DCC: variants seen among roughly 807,000 people sequenced by gnomAD.
DCC encodes the protein DCC netrin 1 receptor, also known as netrin receptor DCC.
A neutral mutation model predicts 172.5 loss-of-function variants in DCC; 58 were observed. The observed-to-expected ratio is 0.34, with a 90% confidence interval of 0.27 to 0.42. The LOEUF (loss-of-function observed/expected upper bound fraction) is 0.42. DCC is among the 10% of genes least tolerant of loss of function. DCC has a pLI of 1.00. For synonymous variants in DCC, 709 were observed against 644.5 expected (o/e 1.10, Z -1.52); for missense variants, 1,740 against 1,791.0 (o/e 0.97, Z 0.51).
chr18:52,865,637 G>A (rs566494423), intron 2 of DCC, among the ~76,000 whole-genome samples: 243 of 151,060 alleles, frequency 1.6e-3, no homozygotes, highest in African/African-American at 5.0e-3. Context: ...TTTGATAGCC[G>A]CCTAAATGTT....
At chr18:52,910,513 A>G (rs8095926) in intron 3 of DCC, among the ~76,000 whole-genome samples, 3 of 152,018 alleles carry the variant, frequency 2.0e-5, no homozygotes, top group East Asian at 3.9e-4. Context: ...TAAAATATCA[A>G]TAACAAAACA....
chr18:52,646,684 G>C (rs1326584928), intron 1 of DCC, among the ~76,000 whole-genome samples: 1 of 152,186 alleles, frequency 6.6e-6, no homozygotes, highest in African/African-American at 2.4e-5. Flanking sequence ...TTCAGATAAA[G>C]AGGTACATAG....
At chr18:53,389,869 T>A (rs1407090976) in intron 16 of DCC, among the ~76,000 whole-genome samples, 1 of 152,210 alleles carries the variant, frequency 6.6e-6, no homozygotes, top group African/African-American at 2.4e-5. Flanking sequence ...ACGTTATGTA[T>A]GGCACCTGTG....
At chr18:52,350,886 G>T (rs752824215) in intron 1 of DCC, among the ~76,000 whole-genome samples, 27 of 152,144 alleles carry the variant, frequency 1.8e-4, no homozygotes, top group Non-Finnish European at 2.6e-4. Context: ...CCAGACTTTC[G>T]TGACCCTTTC....
intron 1 of DCC, among the ~76,000 whole-genome samples, chr18:52,450,923 T>C (rs1054969935): frequency 1.3e-5 from 2 of 152,254 alleles, no homozygotes; most frequent in African/African-American, 4.8e-5. Context: ...ATGATTTTAT[T>C]ATCTGATTGT....
At chr18:53,458,408 C>T (rs929474201) in intron 23 of DCC, among the ~76,000 whole-genome samples, 4 of 152,132 alleles carry the variant, frequency 2.6e-5, no homozygotes, top group Non-Finnish European at 5.9e-5. Flanking sequence ...CAAAACTAGG[C>T]TGTGGGCAGA....
At chr18:53,191,408 A>T (rs1421896512) in intron 9 of DCC, among the ~76,000 whole-genome samples, 4 of 151,938 alleles carry the variant, frequency 2.6e-5, no homozygotes, top group African/African-American at 9.7e-5. Context: ...TATGTTTTGT[A>T]TTTTCTTTAT....
chr18:52,854,146 A>G (rs572818892), intron 2 of DCC, among the ~76,000 whole-genome samples: 1 of 152,256 alleles, frequency 6.6e-6, no homozygotes, highest in Admixed American at 6.5e-5. Context: ...CTGTAATGCC[A>G]CATCCCAGAC....
At chr18:53,464,231 A>G (rs1383781769) in intron 24 of DCC, among the ~76,000 whole-genome samples, 1 of 152,210 alleles carries the variant, frequency 6.6e-6, no homozygotes, top group African/African-American at 2.4e-5. Context: ...TAATTTCACT[A>G]CAGAAGCACC....
chr18:52,449,849 T>C (rs1181304407), intron 1 of DCC, among the ~76,000 whole-genome samples: 1 of 152,200 alleles, frequency 6.6e-6, no homozygotes, highest in African/African-American at 2.4e-5. Flanking sequence ...CCTGCCACCA[T>C]GTAAGACATC....
chr18:53,304,987 T>C (rs2057182696), intron 12 of DCC, among the ~76,000 whole-genome samples: 1 of 152,148 alleles, frequency 6.6e-6, no homozygotes, highest in South Asian at 2.1e-4. Context: ...GTTCTCATGA[T>C]AGTAAATAAG....
At chr18:53,475,739 CCA>C (rs2045754526) in intron 25 of DCC, among the ~76,000 whole-genome samples, 1 of 152,154 alleles carries the variant, frequency 6.6e-6, no homozygotes, top group African/African-American at 2.4e-5. Context: ...GTCAGAGCCC[CCA>C]CACAGAGTCC....
intron 2 of DCC, among the ~76,000 whole-genome samples, chr18:52,837,887 G>C (rs564680890): frequency 1.3e-5 from 2 of 152,156 alleles, no homozygotes; most frequent in Non-Finnish European, 2.9e-5. Context: ...GGAGGCTTTG[G>C]GAAACTTACA....
At chr18:52,457,079 C>T (rs1238802054) in intron 1 of DCC, among the ~76,000 whole-genome samples, 1 of 151,994 alleles carries the variant, frequency 6.6e-6, no homozygotes, top group African/African-American at 2.4e-5. Flanking sequence ...TTCTGGTTCT[C>T]TTTGTCACAA....
At chr18:52,535,266 C>T (rs1355780004) in intron 1 of DCC, among the ~76,000 whole-genome samples, 2 of 152,156 alleles carry the variant, frequency 1.3e-5, no homozygotes, top group African/African-American at 4.8e-5. Flanking sequence ...TGGTGCCTTG[C>T]CTTTGTCCTG....
At chr18:53,128,817 A>G (rs924503775) in intron 7 of DCC, among the ~76,000 whole-genome samples, 1 of 142,966 alleles carries the variant, frequency 7.0e-6, no homozygotes, top group Admixed American at 7.1e-5. Context: ...CTCTACGTCT[A>G]TGTGTATACA....
chr18:53,349,021 C>T (rs185481775), intron 15 of DCC, among the ~76,000 whole-genome samples: 5 of 152,322 alleles, frequency 3.3e-5, no homozygotes, highest in Non-Finnish European at 5.9e-5. Context: ...AATTTCTCCT[C>T]AGAAAAATCG....
chr18:52,844,703 A>G (rs924504245), intron 2 of DCC, among the ~76,000 whole-genome samples: 2 of 152,248 alleles, frequency 1.3e-5, no homozygotes, highest in Non-Finnish European at 2.9e-5. Context: ...AAAGAGATCT[A>G]TGTAGAGTTA....
chr18:52,536,213 A>T (rs1346444258), intron 1 of DCC, among the ~76,000 whole-genome samples: 18 of 152,110 alleles, frequency 1.2e-4, no homozygotes, highest in Admixed American at 1.2e-3. Context: ...TCGGAGCCAG[A>T]TTGTAAAAGG....
Sources: gnomAD v4.1 joint callset for allele counts (sites outside exome capture counted in the v4.1 genomes callset) on GRCh38, gnomAD v4.1.1 for gene constraint, MANE v1.5 for transcripts, NCBI Gene and HGNC (gene_info 2026-07-23, HGNC 2026-07-21) for gene names.